MAML2: variants seen among roughly 807,000 people sequenced by gnomAD.
MAML2 encodes mastermind-like protein 2.
MAML2 carries 22 observed loss-of-function variants against 96.1 expected under a neutral mutation model. The observed-to-expected ratio is 0.23, with a 90% CI of 0.16 to 0.33. The LOEUF is 0.33. Ranked by LOEUF, MAML2 falls within the 10% of genes least tolerant of loss-of-function variation. The pLI, the probability that MAML2 is intolerant of heterozygous loss-of-function variation, is 1.00. For synonymous variants in MAML2, 561 were observed against 521.3 expected (o/e 1.08, Z -1.04); for missense variants, 1,367 against 1,392.4 (o/e 0.98, Z 0.29).
chr11:96,199,823 A>C (rs189816702), intron 1 of MAML2, among the ~76,000 whole-genome samples: 1 of 152,352 alleles, frequency 6.6e-6, no homozygotes, highest in East Asian at 1.9e-4. Context: ...CAGAAAGCCA[A>C]ACCTACCCAA....
chr11:96,283,110 C>G (rs1479842407), intron 1 of MAML2, among the ~76,000 whole-genome samples: 1 of 152,174 alleles, frequency 6.6e-6, no homozygotes, highest in East Asian at 1.9e-4. Context: ...CAAACTTTAA[C>G]TTTTGATCAC....
At chr11:96,291,085 A>T (rs1196162566) in intron 1 of MAML2, among the ~76,000 whole-genome samples, 1 of 141,042 alleles carries the variant, frequency 7.1e-6, no homozygotes, top group South Asian at 2.3e-4. Flanking sequence ...TCTTAGAGCC[A>T]TGTGACATCT....
intron 1 of MAML2, among the ~76,000 whole-genome samples, chr11:96,238,709 G>T (rs1862395823): frequency 6.6e-6 from 1 of 152,208 alleles, no homozygotes; most frequent in Non-Finnish European, 1.5e-5. Flanking sequence ...CTATGTAGAG[G>T]CATGTGAGCT....
chr11:96,196,042 T>A (rs1307874884), intron 1 of MAML2, among the ~76,000 whole-genome samples: 1 of 152,206 alleles, frequency 6.6e-6, no homozygotes, highest in Non-Finnish European at 1.5e-5. Context: ...ATGTATCATT[T>A]CCTTGCATAG....
At position 96,339,465 on chromosome 11, in the gene MAML2, G is replaced by A. The variant is rs1863961421; in HGVS notation, c.513+1918C>T. On this transcript the variant is annotated intron_variant, in intron 1 of 4. Transcript: ENST00000524717. Reference sequence around the variant, plus strand: ...CAGAAGCTCAAAGAACAAGGCCAGAGGCAAACATGCCACCTTTCCTTCAGA... The same window carrying A: ...CAGAAGCTCAAAGAACAAGGCCAGAAGCAAACATGCCACCTTTCCTTCAGA... 3.3e-5 allele frequency among the ~76,000 whole-genome samples: 5 copies of A among 152,366 alleles called. No homozygotes were observed. In the South Asian group the frequency reaches 1.0e-3, roughly 32 times the overall value.
At chr11:96,198,231 T>G (rs1242318966) in intron 1 of MAML2, among the ~76,000 whole-genome samples, 5 of 152,216 alleles carry the variant, frequency 3.3e-5, no homozygotes, top group African/African-American at 1.2e-4. Flanking sequence ...GACAGTGAGT[T>G]TGCTTTCCCC....
chr11:96,068,247 C>T (rs1183542525), intron 2 of MAML2, among the ~76,000 whole-genome samples: 1 of 152,036 alleles, frequency 6.6e-6, no homozygotes, highest in Non-Finnish European at 1.5e-5. Context: ...AAATAATTTT[C>T]CCCCTTATGA....
intron 1 of MAML2, among the ~76,000 whole-genome samples, chr11:96,294,406 G>A (rs1243136007): frequency 6.6e-6 from 1 of 152,080 alleles, no homozygotes; most frequent in African/African-American, 2.4e-5. Flanking sequence ...AAGACCACAT[G>A]GTGACCTTGG....
At chr11:96,174,817 G>A (rs962150818) in intron 1 of MAML2, among the ~76,000 whole-genome samples, 1 of 152,258 alleles carries the variant, frequency 6.6e-6, no homozygotes, top group African/African-American at 2.4e-5. Flanking sequence ...TGCAATAAAT[G>A]CCTCTTGTGG....
At chr11:96,265,472 G>A (rs1365716946) in intron 1 of MAML2, among the ~76,000 whole-genome samples, 1 of 149,850 alleles carries the variant, frequency 6.7e-6, no homozygotes, top group East Asian at 1.9e-4. Flanking sequence ...ATATGGAAGA[G>A]GGGAAGGGAA....
intron 1 of MAML2, among the ~76,000 whole-genome samples, chr11:96,231,289 C>T (rs961309784): frequency 4.2e-5 from 5 of 118,614 alleles, no homozygotes; most frequent in African/African-American, 1.9e-4. Flanking sequence ...AATGTAAAGT[C>T]TCTACAGAAA....
intron 3 of MAML2, among the ~76,000 whole-genome samples, chr11:95,985,978 A>C (rs1005373783): frequency 6.6e-6 from 1 of 152,188 alleles, no homozygotes; most frequent in Non-Finnish European, 1.5e-5. Context: ...TTGTCTAAAA[A>C]CAGACACAAA....
intron 1 of MAML2, among the ~76,000 whole-genome samples, chr11:96,138,724 A>G (rs1860680122): frequency 1.3e-5 from 2 of 152,148 alleles, no homozygotes; most frequent in African/African-American, 2.4e-5. Context: ...CCTCCGAGAC[A>G]TAGTCCAGGA....
In MAML2 at chr11:96,092,075, T is replaced by C. The variant is rs894365688; in HGVS notation, c.1956A>G (p.Gln652=). ...QQQQQQQQQQ[Q]QQQQQQQQQQ... ...GCTGCTGCTGTTGTTGCTGTTGTTG[T>C]TGCTGCTGCTGCTGCTGTTGTTGCT... Residue 652 remains glutamine (Q), a synonymous_variant, in exon 2 of 5, where the codon CAA becomes CAG. Transcript: ENST00000524717. The surrounding 1 kb of genome is among the most constrained non-coding windows in gnomAD (Gnocchi z 4.1). The C allele has an allele frequency of 9.0e-5, 139 of 1,547,892 alleles. No homozygotes were observed. Among genetic ancestry groups the C allele is most frequent in the Middle Eastern group, 5.1e-4 (3 of 5,862 alleles).
intron 1 of MAML2, among the ~76,000 whole-genome samples, chr11:96,252,250 T>C (rs1862591941): frequency 6.6e-6 from 1 of 152,114 alleles, no homozygotes; most frequent in Non-Finnish European, 1.5e-5. Context: ...CATTAAGTTC[T>C]GAAAATGTAC....
chr11:96,056,823 C>A (rs146606568), intron 2 of MAML2, among the ~76,000 whole-genome samples: 1 of 152,162 alleles, frequency 6.6e-6, no homozygotes, highest in African/African-American at 2.4e-5. Context: ...CCAAGCCCTA[C>A]GTGTGGGAGG....
At position 96,069,204 on chromosome 11, in the gene MAML2, A is replaced by G. The variant is rs1032183016; in HGVS notation, c.2139+22688T>C. Among the ~76,000 whole-genome samples the G allele has an allele frequency of 3.3e-5, 5 of 152,088 alleles. No homozygotes were observed. In the East Asian group the frequency reaches 5.8e-4, roughly 18 times the overall value. ...TGGTCTCCCAAAGTGTTGGCATTACAAGGGTGAGCCACTGAGTCTGGCCTA... is the reference window on the plus strand; with the variant it reads ...TGGTCTCCCAAAGTGTTGGCATTACGAGGGTGAGCCACTGAGTCTGGCCTA... On this transcript the variant is annotated intron_variant, in intron 2 of 4. Transcript: ENST00000524717.
At chr11:96,103,551 C>T (rs970518011) in intron 1 of MAML2, among the ~76,000 whole-genome samples, 6 of 152,098 alleles carry the variant, frequency 3.9e-5, no homozygotes, top group Non-Finnish European at 7.4e-5. Context: ...CCAAAAAGGT[C>T]CCTTCTTTTT....
At chr11:96,197,965 T>A (rs1198023780) in intron 1 of MAML2, among the ~76,000 whole-genome samples, 1 of 152,110 alleles carries the variant, frequency 6.6e-6, no homozygotes, top group Non-Finnish European at 1.5e-5. Context: ...TTTGACATAT[T>A]TGAGGAAGTG....
Sources: gnomAD v4.1 joint callset for allele counts (sites outside exome capture counted in the v4.1 genomes callset) on GRCh38, gnomAD v4.1.1 for gene constraint, Gnocchi (gnomAD v3.1) non-coding constraint, MANE v1.5 for transcripts, NCBI Gene and HGNC (gene_info 2026-07-23, HGNC 2026-07-21) for gene names.